SOBP: variants seen among roughly 807,000 people sequenced by gnomAD.
SOBP encodes the protein sine oculis-binding protein homolog.
A neutral mutation model predicts 53.6 loss-of-function variants in SOBP; 4 were observed. The observed-to-expected ratio is 0.07, with a 90% confidence interval of 0.04 to 0.17. SOBP has a LOEUF of 0.17. Ranked by LOEUF, SOBP falls within the 10% of genes least tolerant of loss-of-function variation. SOBP has a pLI of 1.00. For missense variants in SOBP, 1,088 were observed against 1,204.7 expected, an observed-to-expected ratio of 0.90 and a Z score of 1.43; for synonymous variants, 584 against 522.6, an observed-to-expected ratio of 1.12 and a Z score of -1.60.
At chr6:107,630,753 T>A (rs62428436) in intron 5 of SOBP, among the ~76,000 whole-genome samples, 1 of 7,444 alleles carries the variant, frequency 1.3e-4, no homozygotes, top group Non-Finnish European at 7.2e-4. Context: ...ACACTCTGTC[T>A]CTCTCTCTCT....
intron 5 of SOBP, among the ~76,000 whole-genome samples, chr6:107,612,633 T>A (rs893658708): frequency 7.2e-5 from 11 of 152,208 alleles, no homozygotes; most frequent in African/African-American, 2.4e-4. Flanking sequence ...GCATTTTCTA[T>A]TTTAACTGTA....
intron 4 of SOBP, among the ~76,000 whole-genome samples, chr6:107,535,627 G>A (rs1480875047): frequency 6.8e-6 from 1 of 146,654 alleles, no homozygotes; most frequent in African/African-American, 2.6e-5. Context: ...GTGTGTGTGT[G>A]TGTGTGTGTG....
chr6:107,527,781 T>A (rs1260537258), intron 3 of SOBP, among the ~76,000 whole-genome samples: 1 of 152,208 alleles, frequency 6.6e-6, no homozygotes, highest in Non-Finnish European at 1.5e-5. Flanking sequence ...AATGTACATC[T>A]ACTACCTCAT....
At chr6:107,657,680 A>G (rs923461151) in intron 6 of SOBP, among the ~76,000 whole-genome samples, 13 of 152,118 alleles carry the variant, frequency 8.5e-5, no homozygotes, top group Non-Finnish European at 8.8e-5. Context: ...GGGTGACTCA[A>G]AAGACCTCCT....
At chr6:107,493,313 C>G (rs994932826) in intron 1 of SOBP, among the ~76,000 whole-genome samples, 1 of 152,134 alleles carries the variant, frequency 6.6e-6, no homozygotes, top group Non-Finnish European at 1.5e-5. Flanking sequence ...TAAGTAATCA[C>G]TGCCCGGCAG....
At chr6:107,534,927 C>T (rs1007636350) in intron 4 of SOBP, among the ~76,000 whole-genome samples, 29 of 152,222 alleles carry the variant, frequency 1.9e-4, no homozygotes, top group African/African-American at 6.5e-4. Flanking sequence ...TCTGAGACCC[C>T]GGGGCTCCCG....
chr6:107,530,910 T>C (rs1783804328), intron 3 of SOBP, among the ~76,000 whole-genome samples: 1 of 152,268 alleles, frequency 6.6e-6, no homozygotes, highest in Non-Finnish European at 1.5e-5. Flanking sequence ...TGTTCGTTTA[T>C]TTGTTAGGTC....
chr6:107,581,121 C>T (rs946711840), intron 4 of SOBP, among the ~76,000 whole-genome samples: 2 of 152,154 alleles, frequency 1.3e-5, no homozygotes, highest in Non-Finnish European at 2.9e-5. Flanking sequence ...ACTCAAGGAC[C>T]TGTTTGATTA....
At chr6:107,575,722 A>C (rs1785204981) in intron 4 of SOBP, among the ~76,000 whole-genome samples, 1 of 151,928 alleles carries the variant, frequency 6.6e-6, no homozygotes, top group African/African-American at 2.4e-5. Context: ...CTGGAAATGT[A>C]ATAATAATAA....
At chr6:107,630,724 G>GACACAC (rs36145877) in intron 5 of SOBP, among the ~76,000 whole-genome samples, 1 of 148,752 alleles carries the variant, frequency 6.7e-6, no homozygotes, top group East Asian at 2.0e-4. Flanking sequence ...ATAAGGCAAG[G>GACACAC]ACACACACAC....
chr6:107,628,746 T>G, intron 5 of SOBP, among the ~76,000 whole-genome samples: 1 of 152,214 alleles, frequency 6.6e-6, no homozygotes, highest in Non-Finnish European at 1.5e-5. Context: ...GTGATTTCCA[T>G]AGCCTCTTTT....
chr6:107,553,298 TTTTATTTATTTATTTATTTA>T (rs750735550), intron 4 of SOBP, among the ~76,000 whole-genome samples: 2,693 of 139,414 alleles, frequency 0.019, 81 homozygotes, highest in African/African-American at 0.067. Flanking sequence ...CTTATTATTA[TTTTATTTATTTATTTATTTA>T]TTTATTTATT....
At chr6:107,640,298 T>C (rs1428926359) in intron 6 of SOBP, among the ~76,000 whole-genome samples, 1 of 152,198 alleles carries the variant, frequency 6.6e-6, no homozygotes. Flanking sequence ...GAAGGAAAAC[T>C]GAGAGTGACA....
intron 3 of SOBP, among the ~76,000 whole-genome samples, chr6:107,531,135 A>G (rs1396419121): frequency 6.6e-6 from 1 of 152,254 alleles, no homozygotes; most frequent in Non-Finnish European, 1.5e-5. Context: ...TTATAGCTGA[A>G]GATCTAGGAC....
chr6:107,631,333 G>A (rs1414168253), intron 5 of SOBP, among the ~76,000 whole-genome samples: 14 of 152,156 alleles, frequency 9.2e-5, no homozygotes, highest in Non-Finnish European at 1.9e-4. Flanking sequence ...CTTCAAGCTT[G>A]TAAATTTGCA....
intron 5 of SOBP, among the ~76,000 whole-genome samples, chr6:107,624,463 AATT>A (rs964959196): frequency 5.3e-5 from 8 of 152,180 alleles, no homozygotes; most frequent in African/African-American, 1.9e-4. Context: ...GACTCCTTTT[AATT>A]TTTTCAAAGA....
intron 3 of SOBP, chr6:107,509,723 A>G (rs1731493536): frequency 6.6e-6 from 1 of 152,228 alleles, no homozygotes; most frequent in South Asian, 2.1e-4. Context: ...ATCAGGAAAT[A>G]AATATGCGAA....
At chr6:107,642,172 G>T (rs998562203) in intron 6 of SOBP, among the ~76,000 whole-genome samples, 43 of 152,252 alleles carry the variant, frequency 2.8e-4, no homozygotes, top group Middle Eastern at 3.4e-3. Context: ...TGGGGTAAAT[G>T]CCATTTCAGA....
At chr6:107,644,812 C>G (rs898632989) in intron 6 of SOBP, among the ~76,000 whole-genome samples, 15 of 152,282 alleles carry the variant, frequency 9.9e-5, no homozygotes, top group African/African-American at 3.1e-4. Context: ...GGCCAAAGTG[C>G]TTGGCAAAAT....
Sources: gnomAD v4.1 joint callset for allele counts (sites outside exome capture counted in the v4.1 genomes callset) on GRCh38, gnomAD v4.1.1 for gene constraint, MANE v1.5 for transcripts, NCBI Gene and HGNC (gene_info 2026-07-23, HGNC 2026-07-21) for gene names.